The following TIAM2 variants were observed in gnomAD, a reference collection of about 807,000 sequenced individuals.
TIAM2 encodes the protein rho guanine nucleotide exchange factor TIAM2.
A neutral mutation model predicts 152.9 loss-of-function variants in TIAM2; 80 were observed. That is an observed-to-expected ratio of 0.52 (90% confidence interval 0.44 to 0.63). The LOEUF is 0.63. Ranked by LOEUF, TIAM2 falls within the 30% of genes least tolerant of loss-of-function variation. The pLI, the probability that TIAM2 is intolerant of heterozygous loss-of-function variation, is 0.00. For synonymous variants in TIAM2, 804 were observed against 838.0 expected (o/e 0.96, Z 0.70); for missense variants, 1,965 against 2,120.1 (o/e 0.93, Z 1.44).
chr6:155,200,758 C>G (rs1001894632), intron 14 of TIAM2, among the ~76,000 whole-genome samples: 1 of 152,084 alleles, frequency 6.6e-6, no homozygotes, highest in African/African-American at 2.4e-5. Flanking sequence ...TAAAAATTAG[C>G]TGGGCATGGT....
At chr6:155,084,467 G>T (rs149157514) in intron 1 of TIAM2, among the ~76,000 whole-genome samples, 1 of 152,316 alleles carries the variant, frequency 6.6e-6, no homozygotes, top group Non-Finnish European at 1.5e-5. Flanking sequence ...GTGAACCCTT[G>T]TGGGACTCCC....
At chr6:155,192,205 A>G (rs951192859) in intron 14 of TIAM2, among the ~76,000 whole-genome samples, 2 of 152,216 alleles carry the variant, frequency 1.3e-5, no homozygotes, top group Non-Finnish European at 2.9e-5. Context: ...TACAGCCTCC[A>G]GATAGAACAC....
chr6:155,064,878 TC>T (rs1002714475), intron 1 of TIAM2, among the ~76,000 whole-genome samples: 13 of 137,806 alleles, frequency 9.4e-5, no homozygotes, highest in African/African-American at 3.4e-4. Flanking sequence ...CCTTTTCCCT[TC>T]CTTTCTCCCC....
intron 14 of TIAM2, among the ~76,000 whole-genome samples, chr6:155,201,335 A>G (rs1781467344): frequency 6.6e-6 from 1 of 152,188 alleles, no homozygotes; most frequent in South Asian, 2.1e-4. Context: ...AGTAGTTCCT[A>G]AGGGCTTTGA....
At position 155,129,566 on chromosome 6, in the gene TIAM2, G is replaced by A. The variant is rs1203721156; in HGVS notation, c.343G>A (p.Gly115Ser). ...CAGTGCTGCTTTCTCAACTGAGAATGGCTTCCACTCTGTTGGCCACGAGCT... is the reference window on the plus strand; with the variant it reads ...CAGTGCTGCTTTCTCAACTGAGAATAGCTTCCACTCTGTTGGCCACGAGCT... ...GISAAFSTEN[G>S]FHSVGHELAD... The change falls in exon 4 of 27, where the codon GGC becomes AGC. Residue 115 changes from glycine to serine, a missense_variant. By Grantham distance (56) the Gly-to-Ser change is moderately conservative (BLOSUM62 0). Around this residue, in one of 3 missense-constraint regions of TIAM2, gnomAD observed 1,025 missense variants for 1,119.4 expected, o/e 0.92. Transcript: ENST00000682666. This position sits in a 1 kb window ranked among gnomAD's most constrained non-coding sequence, Gnocchi z 4.8. 1.2e-6 allele frequency: 2 copies of A among 1,614,038 alleles called. No individual in the cohort carries two copies. Among genetic ancestry groups the A allele is most frequent in the Admixed American group, 1.7e-5 (1 of 60,002 alleles).
intron 1 of TIAM2, among the ~76,000 whole-genome samples, chr6:155,039,887 A>C (rs1413918479): frequency 6.6e-6 from 1 of 152,226 alleles, no homozygotes; most frequent in Non-Finnish European, 1.5e-5. Flanking sequence ...AGAAGACTTG[A>C]CAAGTAGCTA....
At chr6:155,251,866 G>T in intron 22 of TIAM2, 79 bp from the exon 23 acceptor site, 1 of 1,134,700 alleles carries the variant, frequency 8.8e-7, no homozygotes, top group Non-Finnish European at 1.3e-6. Flanking sequence ...GTGTTACTCT[G>T]TTAAGACGTT....
Position 155,130,305 on chromosome 6 carries a change from G to A in TIAM2, c.1082G>A (p.Arg361Gln), listed in dbSNP as rs1463581837. Reference protein sequence around the residue: ...IQYSSFTLPCRKPKAFVEDTA... With the variant: ...IQYSSFTLPCQKPKAFVEDTA... Reference sequence around the variant, plus strand: ...TACAGTTCCTTCACTCTCCCCTGTCGGAAGCCCAAAGCCTTTGTTGAGGAT... The same window carrying A: ...TACAGTTCCTTCACTCTCCCCTGTCAGAAGCCCAAAGCCTTTGTTGAGGAT... The change falls in exon 4 of 27, where the codon CGG becomes CAG. Residue 361 changes from arginine (R) to glutamine (Q), a missense_variant. Transcript: ENST00000682666. 2 of 1,614,092 alleles carry A rather than the reference G, an allele frequency of 1.2e-6. No homozygotes were observed. The highest frequency in any genetic ancestry group is 1.7e-6 in the Non-Finnish European group (2 of 1,180,024).
chr6:155,172,971 C>T (rs1780667096), intron 9 of TIAM2, among the ~76,000 whole-genome samples: 1 of 151,840 alleles, frequency 6.6e-6, no homozygotes, highest in Admixed American at 6.6e-5. Flanking sequence ...GTATTTTCAA[C>T]TTGGATAGCA....
intron 1 of TIAM2, among the ~76,000 whole-genome samples, chr6:155,077,136 A>G (rs1183600869): frequency 1.3e-5 from 2 of 152,054 alleles, no homozygotes; most frequent in African/African-American, 2.4e-5. Flanking sequence ...AAGCTGTTCT[A>G]TAAACTCCTA....
At chr6:155,033,812 G>A (rs575203848) in intron 1 of TIAM2, among the ~76,000 whole-genome samples, 1 of 152,004 alleles carries the variant, frequency 6.6e-6, no homozygotes, top group South Asian at 2.1e-4. Context: ...CCCCTCCCGG[G>A]TTCAAGCAAT....
chr6:155,082,665 CCAATAAATAAAT>C (rs1402274504), intron 1 of TIAM2, among the ~76,000 whole-genome samples: 18 of 93,378 alleles, frequency 1.9e-4, no homozygotes, highest in Admixed American at 5.7e-4. Context: ...CAAAAAAACC[CCAATAAATAAAT>C]AAATAAATAA....
chr6:155,240,783 A>G, intron 16 of TIAM2, 74 bp downstream of exon 16: 2 of 1,487,212 alleles, frequency 1.3e-6, no homozygotes, highest in Admixed American at 3.7e-5. Flanking sequence ...AGAGGTCCCC[A>G]GATCACCTCT....
intron 2 of TIAM2, among the ~76,000 whole-genome samples, chr6:155,091,662 A>C (rs888776146): frequency 1.3e-5 from 2 of 152,168 alleles, no homozygotes; most frequent in African/African-American, 4.8e-5. Context: ...TTTTGATCCT[A>C]ATTTTGGTAA....
At chr6:155,251,499 C>T (rs1783651661) in intron 22 of TIAM2, among the ~76,000 whole-genome samples, 1 of 152,096 alleles carries the variant, frequency 6.6e-6, no homozygotes, top group Non-Finnish European at 1.5e-5. Flanking sequence ...GCTGGCCAGA[C>T]TGGTCTCGAA....
Position 155,179,106 on chromosome 6 carries a change from A to G in TIAM2, c.2591A>G (p.Tyr864Cys). Residue 864 changes from tyrosine (Y) to cysteine (C), a missense_variant, in exon 11 of 27, where the codon TAT (tyrosine) becomes TGT (cysteine). Coordinates refer to ENST00000682666, the MANE Select transcript of TIAM2 (RefSeq NM_012454.4). ...LRKLVDDNVE[Y>C]CIPAPYEYMQ... ...AAATTAGTAGATGACAATGTTGAGTATTGCATCCCTGCACCATATGAATAT... is the reference window on the plus strand; with the variant it reads ...AAATTAGTAGATGACAATGTTGAGTGTTGCATCCCTGCACCATATGAATAT... The G allele has an allele frequency of 6.2e-7, 1 of 1,614,116 alleles. No homozygotes were observed. The highest frequency in any genetic ancestry group is 8.5e-7 in the Non-Finnish European group (1 of 1,180,006).
chr6:155,019,830 G>A (rs891390631), intron 1 of TIAM2, among the ~76,000 whole-genome samples: 2 of 152,144 alleles, frequency 1.3e-5, no homozygotes, highest in Non-Finnish European at 2.9e-5. Context: ...CGAGGCGGGC[G>A]GATCACGAGG....
chr6:155,115,003 T>G (rs1276797210), intron 2 of TIAM2, among the ~76,000 whole-genome samples: 1 of 151,898 alleles, frequency 6.6e-6, no homozygotes, highest in African/African-American at 2.4e-5. Context: ...AATTTTTGTA[T>G]CTTTGGTAGA....
intron 1 of TIAM2, among the ~76,000 whole-genome samples, chr6:155,032,078 AT>A (rs1776833389): frequency 6.7e-6 from 1 of 150,020 alleles, no homozygotes; most frequent in Non-Finnish European, 1.5e-5. Flanking sequence ...ACGATGGAAG[AT>A]CTGTGAGGGA....
Sources: gnomAD v4.1 joint callset for allele counts (sites outside exome capture counted in the v4.1 genomes callset) on GRCh38, gnomAD v4.1.1 for gene constraint, gnomAD v4.1.1 regional missense constraint, Gnocchi (gnomAD v3.1) non-coding constraint, MANE v1.5 for transcripts, NCBI Gene and HGNC (gene_info 2026-07-23, HGNC 2026-07-21) for gene names.